MLH3: variants seen among roughly 807,000 people sequenced by gnomAD.
MLH3 encodes DNA mismatch repair protein Mlh3.
A neutral mutation model predicts 122.2 loss-of-function variants in MLH3; 82 were observed. That is an observed-to-expected ratio of 0.67 (90% CI 0.56 to 0.81). The LOEUF (loss-of-function observed/expected upper bound fraction) is 0.81. Ranked by LOEUF, MLH3 falls within the 30% of genes least tolerant of loss-of-function variation. MLH3 has a pLI of 0.00. For synonymous variants in MLH3, 524 were observed against 599.5 expected, an observed-to-expected ratio of 0.87 and a Z score of 1.84; for missense variants, 1,539 against 1,714.5, an observed-to-expected ratio of 0.90 and a Z score of 1.81.
rs954477290 is a variant in MLH3 at position 75,040,574 on chromosome 14, C to A, written c.3466-559G>T. Among the ~76,000 whole-genome samples, 3 of 140,974 alleles carry A rather than the reference C, an allele frequency of 2.1e-5. 1 individual carries two copies. The highest frequency in any genetic ancestry group is 3.1e-5 in the Non-Finnish European group (2 of 65,288). The allele number at this position is 140,974 out of a possible 152,430, so 92.5% of individuals were successfully genotyped here. A position where few individuals can be genotyped will look rare whatever the true frequency, so the allele number is the denominator to read the frequency against. ...CAAAACAAAAAAAATTGTTTCACAACAACAATTTGTCTATGTTCCATGATC... is the reference window on the plus strand; with the variant it reads ...CAAAACAAAAAAAATTGTTTCACAAAAACAATTTGTCTATGTTCCATGATC... On this transcript the variant is annotated intron_variant, in intron 4 of 12. Coordinates refer to ENST00000355774, the MANE Select transcript of MLH3 (RefSeq NM_001040108.2).
intron 11 of MLH3, among the ~76,000 whole-genome samples, chr14:75,022,279 G>A (rs1264454347): frequency 2.0e-5 from 3 of 152,192 alleles, no homozygotes; most frequent in Non-Finnish European, 2.9e-5. Flanking sequence ...ACTCACCCAT[G>A]TTACAAAGTG....
intron 9 of MLH3, among the ~76,000 whole-genome samples, chr14:75,027,404 T>C (rs1437862208): frequency 6.6e-6 from 1 of 151,314 alleles, no homozygotes; most frequent in Non-Finnish European, 1.5e-5. Flanking sequence ...GAATTACAAG[T>C]ACCTGCCACC....
chr14:75,027,677 A>AC (rs1566580365), intron 9 of MLH3, among the ~76,000 whole-genome samples: 8 of 64,498 alleles, frequency 1.2e-4, no homozygotes, highest in African/African-American at 2.0e-4. Context: ...AAAAAAAAAA[A>AC]AAAAAAAAAA....
rs1892506024 is a variant in MLH3 at position 75,049,358 on chromosome 14, T to C, written c.298A>G (p.Ile100Val). Residue 100 changes from isoleucine (I) to valine (V), a missense_variant, in exon 2 of 13, where the codon ATT becomes GTT. Physicochemically the swap from Ile to Val is conservative, Grantham distance 29. Transcript: ENST00000355774. ...YGFRGEALAN[I>V]ADMASAVEIS... Reference sequence around the variant, plus strand: ...TCCACAGCACTGGCCATGTCAGCAATATTTGCCAAGGCCTCTCCTCGGAAA... The same window carrying C: ...TCCACAGCACTGGCCATGTCAGCAACATTTGCCAAGGCCTCTCCTCGGAAA... 6.2e-7 allele frequency: 1 copy of C among 1,614,112 alleles called. No individual in the cohort carries two copies. The highest frequency in any genetic ancestry group is 8.5e-7 in the Non-Finnish European group (1 of 1,180,042).
At chr14:75,030,767 G>T in intron 8 of MLH3, 65 bp from the exon 9 acceptor site, 1 of 1,372,356 alleles carries the variant, frequency 7.3e-7, no homozygotes, top group Non-Finnish European at 1.0e-6. Context: ...TTCACTACTG[G>T]TTCCAAATAC....
At chr14:75,042,691 C>T (rs1392902716) in intron 2 of MLH3, among the ~76,000 whole-genome samples, 1 of 147,226 alleles carries the variant, frequency 6.8e-6, no homozygotes, top group African/African-American at 2.7e-5. Flanking sequence ...CTATTCATAC[C>T]AGACAGAATG....
At chr14:75,041,589 G>T (rs1340722509) in intron 4 of MLH3, 26 bp downstream of exon 4, 2 of 1,562,148 alleles carry the variant, frequency 1.3e-6, no homozygotes, top group Non-Finnish European at 1.8e-6. Flanking sequence ...AAAAAAAAAG[G>T]CAAAGAAAAA....
At chr14:75,032,275 C>A in intron 7 of MLH3, 96 bp from the exon 8 acceptor site, 1 of 791,822 alleles carries the variant, frequency 1.3e-6, no homozygotes, top group Non-Finnish European at 2.3e-6. Flanking sequence ...CATTCTAATG[C>A]AAAGCAGAAT....
In MLH3 at chr14:75,032,029, T is replaced by C. The variant is rs567086056; in HGVS notation, c.3827+39A>G. ...ATTCCTCACAGAATTATTGTGAGAATTGATACCATCAACATCACATTCTCA... is the reference window on the plus strand; with the variant it reads ...ATTCCTCACAGAATTATTGTGAGAACTGATACCATCAACATCACATTCTCA... On this transcript the variant is annotated intron_variant, in intron 8 of 12. Coordinates refer to ENST00000355774, the MANE Select transcript of MLH3 (RefSeq NM_001040108.2). 135 of 1,198,228 alleles carry C rather than the reference T, an allele frequency of 1.1e-4. No individual in the cohort carries two copies. Among genetic ancestry groups the C allele is most frequent in the Middle Eastern group, 5.7e-4 (3 of 5,266 alleles). 74.2% of individuals were successfully genotyped at this position (1,198,228 alleles called of 1,614,324 possible).
intron 9 of MLH3, among the ~76,000 whole-genome samples, chr14:75,025,503 A>G (rs1890572250): frequency 6.6e-6 from 1 of 152,088 alleles, no homozygotes; most frequent in Admixed American, 6.5e-5. Context: ...AGCCATCCTT[A>G]GAATTTCCTC....
Position 75,049,533 on chromosome 14 carries a change from C to A in MLH3, c.123G>T (p.Val41=). 6.2e-7 allele frequency: 1 copy of A among 1,614,210 alleles called. No homozygotes were observed. The highest frequency in any genetic ancestry group is 2.2e-5 in the East Asian group (1 of 44,890). Residue 41 remains valine, a synonymous_variant, in exon 2 of 13, where the codon GTG becomes GTT. Transcript: ENST00000355774. ...LNSIDAEAKC[V]AVRVNMETFQ... is the part of the protein sequence containing the mutation. The stretch of plus-strand genomic sequence containing the variant: ...AGGTTTCCATATTCACCCTGACAGC[C>A]ACACATTTTGCTTCAGCATCAATAC...
Position 75,048,678 on chromosome 14 carries a change from A to C in MLH3, c.978T>G (p.Thr326=), listed in dbSNP as rs1274857730. The C allele has an allele frequency of 6.2e-7, 1 of 1,614,096 alleles. No homozygotes were observed. Among genetic ancestry groups the C allele is most frequent in the Admixed American group, 1.7e-5 (1 of 60,008 alleles). Residue 326 remains threonine (T), a synonymous_variant, in exon 2 of 13, where the codon ACT becomes ACG. Coordinates refer to ENST00000355774, the MANE Select transcript of MLH3 (RefSeq NM_001040108.2). ...EYDVCMEPAK[T]LIEFQNWDTL... is the part of the protein sequence containing the mutation. ...TGTCCCAGTTCTGAAATTCAATCAG[A>C]GTTTTGGCTGGCTCCATGCACACAT... is the stretch of plus-strand genomic sequence containing the variant.
chr14:75,042,987 G>A (rs1334823772), intron 2 of MLH3, among the ~76,000 whole-genome samples: 1 of 151,994 alleles, frequency 6.6e-6, no homozygotes, highest in Non-Finnish European at 1.5e-5. Context: ...CATATTGGCC[G>A]GGCTGGTCTC....
intron 4 of MLH3, among the ~76,000 whole-genome samples, chr14:75,041,201 T>C (rs1165365860): frequency 6.6e-6 from 1 of 152,110 alleles, no homozygotes; most frequent in Non-Finnish European, 1.5e-5. Context: ...CCTGAGTAGC[T>C]GAGACTATAA....
Position 75,049,375 on chromosome 14 carries a change from C to T in MLH3, c.281G>A (p.Gly94Glu), listed in dbSNP as rs759973402. The T allele has an allele frequency of 1.9e-6, 3 of 1,614,072 alleles. No homozygotes were observed. The highest frequency in any genetic ancestry group is 2.5e-6 in the Non-Finnish European group (3 of 1,180,038). Reference sequence around the variant, plus strand: ...GTCAGCAATATTTGCCAAGGCCTCTCCTCGGAAACCATAAAACCTTGGATT... The same window carrying T: ...GTCAGCAATATTTGCCAAGGCCTCTTCTCGGAAACCATAAAACCTTGGATT... The part of the protein sequence containing the change: ...LENPRFYGFR[G>E]EALANIADMA... The change falls in exon 2 of 13, where the codon GGA becomes GAA. Residue 94 changes from glycine to glutamate, a missense_variant. Coordinates refer to ENST00000355774, the MANE Select transcript of MLH3 (RefSeq NM_001040108.2).
At chr14:75,042,674 C>T (rs1891939128) in intron 2 of MLH3, among the ~76,000 whole-genome samples, 197 bp from the exon 3 acceptor site, 1 of 147,612 alleles carries the variant, frequency 6.8e-6, no homozygotes, top group Non-Finnish European at 1.5e-5. Context: ...ATGCTTAGTT[C>T]CATTATCTAT....
At chr14:75,020,804 GAGA>G (rs976478159) in intron 11 of MLH3, 2 of 152,110 alleles carry the variant, frequency 1.3e-5, no homozygotes, top group African/African-American at 4.8e-5. Context: ...GAGTGATACG[GAGA>G]AGATTAGCAT....
intron 2 of MLH3, among the ~76,000 whole-genome samples, chr14:75,045,806 C>A (rs4903275): frequency 1.3e-5 from 2 of 151,784 alleles, no homozygotes; most frequent in African/African-American, 4.8e-5. Flanking sequence ...ACCCATCACC[C>A]CCTTTCTTAC....
At chr14:75,031,257 T>A (rs1891027769) in intron 8 of MLH3, among the ~76,000 whole-genome samples, 1 of 152,218 alleles carries the variant, frequency 6.6e-6, no homozygotes, top group African/African-American at 2.4e-5. Context: ...AAAAATATCC[T>A]ATCTTGTGAC....
Sources: gnomAD v4.1 joint callset for allele counts (sites outside exome capture counted in the v4.1 genomes callset) on GRCh38, gnomAD v4.1.1 for gene constraint, MANE v1.5 for transcripts, NCBI Gene and HGNC (gene_info 2026-07-23, HGNC 2026-07-21) for gene names.